The following DSCAM variants were observed in gnomAD, a reference collection of about 807,000 sequenced individuals.
DSCAM encodes the protein DS cell adhesion molecule.
Under a neutral mutation model 217.7 loss-of-function variants are expected in DSCAM, and 47 were observed. The observed-to-expected ratio is 0.22, with a 90% CI of 0.17 to 0.28. DSCAM has a LOEUF of 0.28. Among genes scored for constraint, DSCAM ranks in the 10% least tolerant of loss-of-function variants. The pLI is 1.00. For missense variants in DSCAM, 2,080 were observed against 2,618.3 expected, an observed-to-expected ratio of 0.79 and a Z score of 4.49; for synonymous variants, 1,056 against 1,015.3, an observed-to-expected ratio of 1.04 and a Z score of -0.76.
At chr21:40,572,089 T>G (rs943888696) in intron 3 of DSCAM, among the ~76,000 whole-genome samples, 18 of 20,976 alleles carry the variant, frequency 8.6e-4, no homozygotes, top group African/African-American at 1.5e-3. Context: ...TGTGTGGGTG[T>G]GTGTGTGTGT....
At chr21:40,454,344 T>C (rs1413860966) in intron 3 of DSCAM, among the ~76,000 whole-genome samples, 2 of 152,156 alleles carry the variant, frequency 1.3e-5, no homozygotes, top group Non-Finnish European at 2.9e-5. Context: ...GAAATGAAGA[T>C]TACAATGCCC....
intron 3 of DSCAM, among the ~76,000 whole-genome samples, chr21:40,690,398 T>A (rs2090526555): frequency 1.3e-5 from 2 of 152,244 alleles, no homozygotes; most frequent in South Asian, 4.1e-4. Flanking sequence ...ATATGAAGTC[T>A]CTCTCTCCCT....
chr21:40,812,437 T>A lies in DSCAM; in HGVS notation c.43+34182A>T, dbSNP rs1229072082. Among the ~76,000 whole-genome samples, 7 of 152,172 alleles carry A rather than the reference T, an allele frequency of 4.6e-5. No homozygotes were observed. The East Asian group carries it at 5.8e-4, about 13-fold the overall frequency. The stretch of plus-strand genomic sequence containing the variant: ...TGCCCAGCACGCAGACAGTGACCCC[T>A]GAGCCACAGCTCTCATCAAGAAATC... On this transcript the variant is annotated intron_variant, in intron 1 of 32. Coordinates refer to ENST00000400454, the MANE Select transcript of DSCAM (RefSeq NM_001389.5).
chr21:40,371,632 GTTC>G (rs2074899994), intron 3 of DSCAM, among the ~76,000 whole-genome samples: 1 of 152,110 alleles, frequency 6.6e-6, no homozygotes, highest in African/African-American at 2.4e-5. Flanking sequence ...GGAACATTTT[GTTC>G]TTGTAATATC....
At position 40,381,532 on chromosome 21, in the gene DSCAM, C is replaced by T. The variant is rs187848273; in HGVS notation, c.509-12287G>A. Among the ~76,000 whole-genome samples the T allele has an allele frequency of 1.8e-4, 27 of 152,290 alleles. No individual in the cohort carries two copies. In the East Asian group the frequency reaches 2.9e-3, roughly 16 times the overall value. ...AAATAAGTGAAGGAAGGTCAGAGCACGGCACTTCAACCCACAGTGACTATG... is the reference window on the plus strand; with the variant it reads ...AAATAAGTGAAGGAAGGTCAGAGCATGGCACTTCAACCCACAGTGACTATG... On this transcript the variant is annotated intron_variant, in intron 3 of 32. Coordinates refer to ENST00000400454, the MANE Select transcript of DSCAM (RefSeq NM_001389.5).
intron 9 of DSCAM, among the ~76,000 whole-genome samples, chr21:40,309,453 C>A (rs1173606604): frequency 6.6e-6 from 1 of 152,116 alleles, no homozygotes; most frequent in East Asian, 1.9e-4. Flanking sequence ...ATTTTCTCCT[C>A]CTTTACAGGC....
At chr21:40,572,422 A>G (rs146111410) in intron 3 of DSCAM, among the ~76,000 whole-genome samples, 196 of 152,336 alleles carry the variant, frequency 1.3e-3, no homozygotes, top group African/African-American at 4.5e-3. Flanking sequence ...ATACTTAAAT[A>G]CAATTGTATT....
intron 1 of DSCAM, among the ~76,000 whole-genome samples, chr21:40,794,763 G>A (rs750884778): frequency 2.7e-5 from 4 of 149,990 alleles, no homozygotes; most frequent in Admixed American, 6.7e-5. Context: ...TCTCTGTCTT[G>A]TTATACTATT....
In DSCAM at chr21:40,826,165, T is replaced by A. The variant is rs182211940; in HGVS notation, c.43+20454A>T. ...GAAACTGAACAATCAAGGAGGCCACTTTGTTTTAGATCAGGTGGTCAGGGA... is the reference window on the plus strand; with the variant it reads ...GAAACTGAACAATCAAGGAGGCCACATTGTTTTAGATCAGGTGGTCAGGGA... On this transcript the variant is annotated intron_variant, in intron 1 of 32. Transcript: ENST00000400454. Among the ~76,000 whole-genome samples, 51 of 152,324 alleles carry A rather than the reference T, an allele frequency of 3.3e-4. 1 individual carries two copies. Among genetic ancestry groups the A allele is most frequent in the African/African-American group, 1.2e-3 (50 of 41,568 alleles).
At chr21:40,033,564 A>C (rs1267305320) in intron 32 of DSCAM, among the ~76,000 whole-genome samples, 1 of 151,504 alleles carries the variant, frequency 6.6e-6, no homozygotes, top group Non-Finnish European at 1.5e-5. Context: ...CAGCAGTCTG[A>C]GATCAAACTG....
intron 8 of DSCAM, among the ~76,000 whole-genome samples, chr21:40,330,359 T>G (rs1226467869): frequency 6.9e-6 from 1 of 145,726 alleles, no homozygotes; most frequent in African/African-American, 2.5e-5. Context: ...ATATAATAAA[T>G]TATGCATATA....
At chr21:40,196,636 T>C (rs1473136712) in intron 11 of DSCAM, among the ~76,000 whole-genome samples, 2 of 152,014 alleles carry the variant, frequency 1.3e-5, no homozygotes, top group Non-Finnish European at 2.9e-5. Flanking sequence ...AATTTTTTCT[T>C]CATTTTTCCC....
chr21:40,500,630 A>G (rs1328231804), intron 3 of DSCAM, among the ~76,000 whole-genome samples: 1 of 152,240 alleles, frequency 6.6e-6, no homozygotes, highest in African/African-American at 2.4e-5. Flanking sequence ...TTCAAGCTCA[A>G]TCATTAATAA....
intron 11 of DSCAM, among the ~76,000 whole-genome samples, chr21:40,190,160 G>A (rs971623099): frequency 6.6e-6 from 1 of 152,134 alleles, no homozygotes; most frequent in African/African-American, 2.4e-5. Flanking sequence ...TATTTGTGAA[G>A]CTTCTCAAGT....
chr21:40,307,237 G>GAA (rs199623023), intron 9 of DSCAM, among the ~76,000 whole-genome samples: 51 of 146,026 alleles, frequency 3.5e-4, no homozygotes, highest in South Asian at 2.2e-3. Flanking sequence ...AAATTTACAA[G>GAA]AAAAAAAAAA....
At chr21:40,191,489 G>A (rs2090952471) in intron 11 of DSCAM, among the ~76,000 whole-genome samples, 1 of 151,946 alleles carries the variant, frequency 6.6e-6, no homozygotes, top group East Asian at 1.9e-4. Flanking sequence ...CCTTCCCCTA[G>A]CCTATAAAAT....
Position 40,277,847 on chromosome 21 carries a change from C to T in DSCAM, c.2183-1577G>A, listed in dbSNP as rs1447056097. 5.9e-5 allele frequency among the ~76,000 whole-genome samples: 8 copies of T among 136,744 alleles called. No individual in the cohort carries two copies. The East Asian group carries it at 8.4e-4, about 14-fold the overall frequency. 89.7% of individuals were successfully genotyped at this position (136,744 alleles called of 152,430 possible). A position where few individuals can be genotyped will look rare whatever the true frequency, so the allele number is the denominator to read the frequency against. ...TCACGGCGCTGCACTCCAGCCTGGG[C>T]GACAGAGTGAGACTTCGTCTCAAAA... is the stretch of plus-strand genomic sequence containing the variant. On this transcript the variant is annotated intron_variant, in intron 10 of 32. Transcript: ENST00000400454.
intron 1 of DSCAM, among the ~76,000 whole-genome samples, chr21:40,712,792 CTG>C (rs1163140410): frequency 6.6e-6 from 1 of 151,222 alleles, no homozygotes; most frequent in East Asian, 1.9e-4. Context: ...TAGGAACTGA[CTG>C]TATAGAAGTT....
chr21:40,256,416 GAGAGAGAC>G (rs2073371825), intron 11 of DSCAM, among the ~76,000 whole-genome samples: 1 of 151,178 alleles, frequency 6.6e-6, no homozygotes, highest in African/African-American at 2.5e-5. Flanking sequence ...GAGAGAGAGA[GAGAGAGAC>G]AGAGAGAGAG....
Sources: allele counts gnomAD v4.1 joint callset (sites outside exome capture counted in the v4.1 genomes callset), GRCh38; gene constraint gnomAD v4.1.1; transcripts MANE v1.5; gene names NCBI Gene and HGNC (gene_info 2026-07-23, HGNC 2026-07-21).